PLEKHM2: variants seen among roughly 807,000 people sequenced by gnomAD.
PLEKHM2 encodes pleckstrin homology domain-containing family M member 2.
PLEKHM2 carries 77 observed loss-of-function variants against 116.3 expected under a neutral mutation model. The ratio of observed to expected loss-of-function variants is 0.66; its 90% CI spans 0.55 to 0.80. PLEKHM2 has a LOEUF of 0.80. PLEKHM2 is among the 30% of genes least tolerant of loss of function. The pLI is 0.00. For synonymous variants in PLEKHM2, 562 were observed against 571.0 expected (o/e 0.98, Z 0.22); for missense variants, 1,183 against 1,354.9 (o/e 0.87, Z 1.99).
chr1:15,715,756 C>A (rs35369218), intron 1 of PLEKHM2, among the ~76,000 whole-genome samples: 33,698 of 152,208 alleles, frequency 0.22, 4,247 homozygotes, highest in African/African-American at 0.33. Context: ...AAAATTAAAA[C>A]TTTCTCAATA....
chr1:15,725,846 AGG>A, intron 8 of PLEKHM2: 2 of 425,464 alleles, frequency 4.7e-6, no homozygotes, highest in South Asian at 5.8e-5. Context: ...GCCTCTGATG[AGG>A]GATTCACAGA....
chr1:15,731,240 G>T lies in PLEKHM2; in HGVS notation c.2448G>T (p.Leu816=). ...CGGACCGCACCGACGTCATCCCTCT[G>T]CTCTCGGTGAACATGGGGTAAGTGT... ...QYPDRTDVIP[L]LSVNMGGEQC... Residue 816 remains leucine (L), a synonymous_variant, in exon 16 of 20, where the codon CTG becomes CTT. Coordinates refer to ENST00000375799, the MANE Select transcript of PLEKHM2 (RefSeq NM_015164.4). The T allele has an allele frequency of 6.3e-7, 1 of 1,593,526 alleles. No homozygotes were observed. The highest frequency in any genetic ancestry group is 1.3e-5 in the African/African-American group (1 of 74,628).
chr1:15,698,533 CTTTCTTTCTTTCTTTCTTT>C (rs1641044989), intron 1 of PLEKHM2, among the ~76,000 whole-genome samples: 2 of 142,606 alleles, frequency 1.4e-5, no homozygotes, highest in African/African-American at 2.7e-5. Flanking sequence ...CTTTCTTTTT[CTTTCTTTCTTTCTTTCTTT>C]TTTTTTTTTT....
chr1:15,719,277 TC>T lies in PLEKHM2; in HGVS notation c.466-456del, dbSNP rs2067954118. ...CCAGCCTGGCCAACATGGCGAAACC[TC>T]GTCTCTACTAAAAAAATACAAAAGT... On this transcript the variant is annotated intron_variant, in intron 5 of 19. Transcript: ENST00000375799. This position sits in a 1 kb window ranked among gnomAD's most constrained non-coding sequence, Gnocchi z 4.1. Among the ~76,000 whole-genome samples, 1 of 151,968 alleles carries T rather than the reference TC, an allele frequency of 6.6e-6. No homozygotes were observed. The highest frequency in any genetic ancestry group is 2.1e-4 in the South Asian group (1 of 4,810).
At position 15,716,335 on chromosome 1, in the gene PLEKHM2, G is replaced by C. The variant is rs777517195; in HGVS notation, c.159G>C (p.Leu53=). Residue 53 remains leucine (L), a synonymous_variant, in exon 2 of 20, where the codon CTG becomes CTC. Coordinates refer to ENST00000375799, the MANE Select transcript of PLEKHM2 (RefSeq NM_015164.4). ...QRLCEHLDHA[L]LYGLQDLSSG... is the part of the protein sequence containing the mutation. ...TGTGTGAGCACCTGGACCACGCCCT[G>C]CTGTACGGGTAAGGTGGAGGAAGTT... 6.3e-7 allele frequency: 1 copy of C among 1,590,880 alleles called. No homozygotes were observed. Among genetic ancestry groups the C allele is most frequent in the South Asian group, 1.1e-5 (1 of 88,152 alleles).
Position 15,728,233 on chromosome 1 carries a change from C to T in PLEKHM2, c.1831-34C>T, listed in dbSNP as rs1420914352. On this transcript the variant is annotated intron_variant, in intron 10 of 19. Coordinates refer to ENST00000375799, the MANE Select transcript of PLEKHM2 (RefSeq NM_015164.4). This position sits in a 1 kb window ranked among gnomAD's most constrained non-coding sequence, Gnocchi z 5.9. ...CCGCCCCCGCTGGAGCGGCAGGAGC[C>T]ACCTGCCTGACCCTTGTCTGCTTCG... 4 of 1,609,240 alleles carry T rather than the reference C, an allele frequency of 2.5e-6. No homozygotes were observed. The highest frequency in any genetic ancestry group is 3.4e-6 in the Non-Finnish European group (4 of 1,177,038).
At chr1:15,701,348 G>A (rs1398622063) in intron 1 of PLEKHM2, among the ~76,000 whole-genome samples, 7 of 151,144 alleles carry the variant, frequency 4.6e-5, no homozygotes, top group East Asian at 1.9e-4. Context: ...CAGGAGAATC[G>A]GCTGAACCTG....
intron 8 of PLEKHM2, 102 bp downstream of exon 8, chr1:15,725,647 G>A (rs1379059465): frequency 1.2e-6 from 1 of 814,948 alleles, no homozygotes. Flanking sequence ...CACCCCCTGA[G>A]GGCAGTTGCA....
In PLEKHM2 at chr1:15,716,338, G is replaced by C. The variant is rs199666070; in HGVS notation, c.162G>C (p.Leu54=). 6.3e-7 allele frequency: 1 copy of C among 1,586,278 alleles called. No homozygotes were observed. Among genetic ancestry groups the C allele is most frequent in the Non-Finnish European group, 8.6e-7 (1 of 1,162,944 alleles). The change falls in exon 2 of 20, where the codon CTG becomes CTC. Residue 54 remains leucine, a synonymous_variant. Coordinates refer to ENST00000375799, the MANE Select transcript of PLEKHM2 (RefSeq NM_015164.4). ...RLCEHLDHAL[L]YGLQDLSSGY... is the part of the protein sequence containing the mutation. ...GTGAGCACCTGGACCACGCCCTGCT[G>C]TACGGGTAAGGTGGAGGAAGTTTCC...
At chr1:15,693,533 G>C (rs895024415) in intron 1 of PLEKHM2, among the ~76,000 whole-genome samples, 10 of 152,182 alleles carry the variant, frequency 6.6e-5, no homozygotes, top group Non-Finnish European at 1.3e-4. Flanking sequence ...GATGATTTGA[G>C]GCCAGGCAGA....
Position 15,729,717 on chromosome 1 carries a change from C to G in PLEKHM2, c.2076-80C>G. On this transcript the variant is annotated intron_variant, in intron 13 of 19. Transcript: ENST00000375799. This position sits in a 1 kb window ranked among gnomAD's most constrained non-coding sequence, Gnocchi z 4.7. Reference sequence around the variant, plus strand: ...CCAAGTTTCTGTGACCCCTCCAGGCCAGCAGCGCTCAAGACTAAGCCCTGT... The same window carrying G: ...CCAAGTTTCTGTGACCCCTCCAGGCGAGCAGCGCTCAAGACTAAGCCCTGT... The G allele has an allele frequency of 7.6e-7, 1 of 1,323,234 alleles. No individual in the cohort carries two copies. The highest frequency in any genetic ancestry group is 1.4e-5 in the South Asian group (1 of 71,562). 82.0% of individuals were successfully genotyped at this position (1,323,234 alleles called of 1,614,324 possible). A position where few individuals can be genotyped will look rare whatever the true frequency, so the allele number is the denominator to read the frequency against.
chr1:15,710,758 T>C (rs1385591673), intron 1 of PLEKHM2, among the ~76,000 whole-genome samples: 1 of 152,180 alleles, frequency 6.6e-6, no homozygotes, highest in African/African-American at 2.4e-5. Context: ...CAACAAGAAG[T>C]AGTTTTAAAA....
chr1:15,688,959 A>G (rs74961665), intron 1 of PLEKHM2, among the ~76,000 whole-genome samples: 1,701 of 151,934 alleles, frequency 0.011, 25 homozygotes, highest in South Asian at 0.014. Flanking sequence ...CATAAGAAGC[A>G]ACCTCCTGGC....
chr1:15,711,781 G>C, intron 1 of PLEKHM2, among the ~76,000 whole-genome samples: 1 of 152,024 alleles, frequency 6.6e-6, no homozygotes, highest in Non-Finnish European at 1.5e-5. Flanking sequence ...TTGATAACGG[G>C]GGGGAAAATA....
Position 15,727,702 on chromosome 1 carries a change from C to T in PLEKHM2, c.1630C>T (p.Pro544Ser), listed in dbSNP as rs1246281774. The change falls in exon 9 of 20, where the codon CCT becomes TCT. Residue 544 changes from proline to serine, a missense_variant. Pro to Ser is a moderately conservative substitution (Grantham distance 74). Around this residue, in one of 3 missense-constraint regions of PLEKHM2, gnomAD observed 594 missense variants for 720.1 expected, o/e 0.82. Transcript: ENST00000375799. This position sits in a 1 kb window ranked among gnomAD's most constrained non-coding sequence, Gnocchi z 7.5. ...VREGPVSEPE[P>S]GTQEVLCQLK... ...GGAGGGGCCTGTGTCTGAGCCAGAG[C>T]CTGGGACCCAGGAGGTTCTCTGCCA... 6.3e-7 allele frequency: 1 copy of T among 1,594,816 alleles called. No homozygotes were observed. The highest frequency in any genetic ancestry group is 1.1e-5 in the South Asian group (1 of 87,874).
At chr1:15,718,741 T>C in intron 5 of PLEKHM2, 116 bp downstream of exon 5, 1 of 679,382 alleles carries the variant, frequency 1.5e-6, no homozygotes. Flanking sequence ...TGAGTATGAC[T>C]GGGCTTGAGC....
chr1:15,698,431 C>T (rs1641042072), intron 1 of PLEKHM2, among the ~76,000 whole-genome samples: 1 of 152,066 alleles, frequency 6.6e-6, no homozygotes, highest in African/African-American at 2.4e-5. Context: ...TCTTGAACTC[C>T]TGGGCTCAAG....
chr1:15,732,124 C>A, intron 17 of PLEKHM2, 76 bp downstream of exon 17: 5 of 1,416,964 alleles, frequency 3.5e-6, no homozygotes, highest in Non-Finnish European at 4.9e-6. Flanking sequence ...TCCCTAAACC[C>A]ATAGTCACAG....
At chr1:15,705,726 C>T (rs941347184) in intron 1 of PLEKHM2, among the ~76,000 whole-genome samples, 11 of 152,302 alleles carry the variant, frequency 7.2e-5, no homozygotes, top group Admixed American at 1.3e-4. Context: ...TTCCCATTGT[C>T]GGGGCTGCTA....
Sources: allele counts gnomAD v4.1 joint callset (sites outside exome capture counted in the v4.1 genomes callset), GRCh38; gene constraint gnomAD v4.1.1; regional missense constraint gnomAD v4.1.1; non-coding constraint Gnocchi (gnomAD v3.1); transcripts MANE v1.5; gene names NCBI Gene and HGNC (gene_info 2026-07-23, HGNC 2026-07-21).